The following ELAPOR1 variants were observed in gnomAD, a reference collection of about 807,000 sequenced individuals.
ELAPOR1 encodes endosome-lysosome associated apoptosis and autophagy regulator 1.
In ELAPOR1, 77 loss-of-function variants were observed where a neutral mutation model predicts 119.7. That is an observed-to-expected ratio of 0.64 (90% confidence interval 0.54 to 0.78). ELAPOR1 has a LOEUF of 0.78. Ranked by LOEUF, ELAPOR1 falls within the 30% of genes least tolerant of loss-of-function variation. ELAPOR1 has a pLI of 0.00. For missense variants in ELAPOR1, 1,115 were observed against 1,270.4 expected (o/e 0.88, Z 1.86); for synonymous variants, 481 against 487.2 (o/e 0.99, Z 0.17).
intron 16 of ELAPOR1, 34 bp downstream of exon 16, chr1:109,197,688 A>AGAGAGTGTGTGT (rs113482805): frequency 2.2e-4 from 300 of 1,366,784 alleles, no homozygotes; most frequent in East Asian, 1.8e-3. Context: ...CTTGTTTGAG[A>AGAGAGTGTGTGT]GTGTGTGTGT....
At chr1:109,142,225 C>G (rs1029324535) in intron 1 of ELAPOR1, among the ~76,000 whole-genome samples, 1 of 152,078 alleles carries the variant, frequency 6.6e-6, no homozygotes, top group East Asian at 1.9e-4. Flanking sequence ...TTAAAAAGAA[C>G]AAACAAAAAA....
At position 109,142,086 on chromosome 1, in the gene ELAPOR1, G is replaced by A. The variant is rs554094781; in HGVS notation, c.154-19808G>A. Among the ~76,000 whole-genome samples, 58 of 152,148 alleles carry A rather than the reference G, an allele frequency of 3.8e-4. 1 individual carries two copies. The highest frequency in any genetic ancestry group is 3.3e-3 in the Admixed American group (51 of 15,266). Reference sequence around the variant, plus strand: ...AAGGGTAAGAATTTGGAGCTCAAGAGTAAGCTCAAAATATAATCTGGGAAT... The same window carrying A: ...AAGGGTAAGAATTTGGAGCTCAAGAATAAGCTCAAAATATAATCTGGGAAT... On this transcript the variant is annotated intron_variant, in intron 1 of 21. Coordinates refer to ENST00000369939, the MANE Select transcript of ELAPOR1 (RefSeq NM_020775.5).
chr1:109,177,523 ACTTCCCAGACG>A (rs2101074385), intron 7 of ELAPOR1, among the ~76,000 whole-genome samples: 1 of 138,816 alleles, frequency 7.2e-6, no homozygotes, highest in Non-Finnish European at 1.5e-5. Context: ...GGCGCTCCTC[ACTTCCCAGACG>A]GGGTGGCGGC....
At chr1:109,176,655 G>A (rs1652309088) in intron 7 of ELAPOR1, among the ~76,000 whole-genome samples, 1 of 148,514 alleles carries the variant, frequency 6.7e-6, no homozygotes, top group South Asian at 2.2e-4. Flanking sequence ...TCTCGCAGAG[G>A]GGGATTTGGC....
At chr1:109,189,870 C>T (rs1213430111) in intron 11 of ELAPOR1, among the ~76,000 whole-genome samples, 188 bp downstream of exon 11, 1 of 152,086 alleles carries the variant, frequency 6.6e-6, no homozygotes, top group Non-Finnish European at 1.5e-5. Context: ...AGTTGCTGCC[C>T]ATGTTGATTT....
chr1:109,133,354 C>G (rs1649267857), intron 1 of ELAPOR1, among the ~76,000 whole-genome samples: 1 of 121,926 alleles, frequency 8.2e-6, no homozygotes, highest in Middle Eastern at 4.2e-3. Flanking sequence ...AAAGTAGAAG[C>G]CAAAAAAAAA....
chr1:109,145,407 G>C (rs1439615363), intron 1 of ELAPOR1, among the ~76,000 whole-genome samples: 1 of 152,150 alleles, frequency 6.6e-6, no homozygotes, highest in Admixed American at 6.6e-5. Flanking sequence ...TATAATCCCA[G>C]CACTTTGGGA....
At chr1:109,160,179 C>A (rs1482447585) in intron 1 of ELAPOR1, among the ~76,000 whole-genome samples, 1 of 151,970 alleles carries the variant, frequency 6.6e-6, no homozygotes, top group Non-Finnish European at 1.5e-5. Flanking sequence ...CATGTAGTGG[C>A]TCCTGTAGTC....
intron 1 of ELAPOR1, among the ~76,000 whole-genome samples, chr1:109,158,681 CGT>C (rs781720018): frequency 1.3e-5 from 2 of 152,134 alleles, no homozygotes; most frequent in Non-Finnish European, 2.9e-5. Flanking sequence ...GAAGGAGTTA[CGT>C]GCTGGATGTA....
At chr1:109,185,254 C>T (rs1652975245) in intron 8 of ELAPOR1, 121 bp downstream of exon 8, 2 of 764,346 alleles carry the variant, frequency 2.6e-6, no homozygotes, top group South Asian at 1.5e-5. Flanking sequence ...ACCCCACAGA[C>T]CTTTGAGGTG....
intron 1 of ELAPOR1, among the ~76,000 whole-genome samples, chr1:109,133,396 GA>G (rs1228052087): frequency 3.3e-5 from 5 of 151,646 alleles, no homozygotes; most frequent in East Asian, 1.9e-4. Context: ...CACAGCCCAT[GA>G]AAAAAAACAT....
At chr1:109,136,410 A>G (rs1649471327) in intron 1 of ELAPOR1, among the ~76,000 whole-genome samples, 1 of 152,244 alleles carries the variant, frequency 6.6e-6, no homozygotes, top group African/African-American at 2.4e-5. Flanking sequence ...AGCAGGGGCC[A>G]GATTCTCCCT....
intron 10 of ELAPOR1, 136 bp from the exon 11 acceptor site, chr1:109,189,456 A>C: frequency 1.2e-6 from 1 of 864,188 alleles, no homozygotes; most frequent in Non-Finnish European, 1.8e-6. Context: ...CAGGATAAGT[A>C]ACACGGTTCA....
intron 1 of ELAPOR1, among the ~76,000 whole-genome samples, chr1:109,148,636 G>A (rs1650336879): frequency 6.6e-6 from 1 of 152,160 alleles, no homozygotes; most frequent in African/African-American, 2.4e-5. Context: ...CTCCAGGCTA[G>A]AATTCTGTCC....
At chr1:109,143,890 G>T (rs1006045137) in intron 1 of ELAPOR1, among the ~76,000 whole-genome samples, 4 of 151,162 alleles carry the variant, frequency 2.6e-5, no homozygotes, top group African/African-American at 9.7e-5. Flanking sequence ...GGAACTCCTG[G>T]GCTCCAGCAA....
chr1:109,160,549 C>T (rs760287747), intron 1 of ELAPOR1, among the ~76,000 whole-genome samples: 5 of 152,102 alleles, frequency 3.3e-5, no homozygotes, highest in Non-Finnish European at 7.4e-5. Flanking sequence ...TTACCTATCC[C>T]CAAAAATAAA....
chr1:109,151,202 G>A (rs1570645995), intron 1 of ELAPOR1, among the ~76,000 whole-genome samples: 3 of 152,350 alleles, frequency 2.0e-5, no homozygotes, highest in South Asian at 2.1e-4. Context: ...CTTGGTGGTA[G>A]AGGCCAGGAA....
At chr1:109,175,226 C>A (rs1652195531) in intron 7 of ELAPOR1, among the ~76,000 whole-genome samples, 1 of 151,548 alleles carries the variant, frequency 6.6e-6, no homozygotes. Flanking sequence ...CGGAGTTTCA[C>A]TCTTGTTGCC....
chr1:109,189,567 A>G, intron 10 of ELAPOR1, 25 bp from the exon 11 acceptor site: 1 of 1,606,634 alleles, frequency 6.2e-7, no homozygotes, highest in Non-Finnish European at 8.5e-7. Flanking sequence ...AGCACAAGGC[A>G]TTAACTCTCC....
Sources: gnomAD v4.1 joint callset for allele counts (sites outside exome capture counted in the v4.1 genomes callset) on GRCh38, gnomAD v4.1.1 for gene constraint, MANE v1.5 for transcripts, NCBI Gene and HGNC (gene_info 2026-07-23, HGNC 2026-07-21) for gene names.